Variants in NKX3-2 observed in about 807,000 individuals in gnomAD.
NKX3-2 encodes NK3 homeobox 2.
Under a neutral mutation model 19.4 loss-of-function variants are expected in NKX3-2, and 13 were observed. That is an observed-to-expected ratio of 0.67 (90% CI 0.44 to 1.07). NKX3-2 has a LOEUF of 1.07. Among genes scored for constraint, NKX3-2 ranks in the 50% least tolerant of loss-of-function variants. The pLI is 0.00. For synonymous variants in NKX3-2, 269 were observed against 230.5 expected (o/e 1.17, Z -1.51); for missense variants, 562 against 488.2 (o/e 1.15, Z -1.42).
Position 13,541,915 on chromosome 4 carries a change from C to G in NKX3-2, c.*78G>C. 5 of 1,531,822 alleles carry G rather than the reference C, an allele frequency of 3.3e-6. No homozygotes were observed. The highest frequency in any genetic ancestry group is 4.4e-6 in the Non-Finnish European group (5 of 1,135,876). 94.9% of individuals were successfully genotyped at this position (1,531,822 alleles called of 1,614,324 possible). ...TGCCTCCTTGGCGGGGCGCCCCGTG[C>G]AGGCTACAGCCTACAGCTGTCAGCG... On this transcript the variant is annotated 3_prime_UTR_variant, in exon 2 of 2. Transcript: ENST00000382438.
chr4:13,544,081 C>A lies in NKX3-2; in HGVS notation c.334G>T (p.Gly112Trp). 4 of 1,583,416 alleles carry A rather than the reference C, an allele frequency of 2.5e-6. No homozygotes were observed. Among genetic ancestry groups the A allele is most frequent in the Non-Finnish European group, 3.4e-6 (4 of 1,167,132 alleles). The change falls in exon 1 of 2, where the codon GGG becomes TGG. Residue 112 changes from glycine (G) to tryptophan (W), a missense_variant. Physicochemically the swap from Gly to Trp is radical, Grantham distance 184. Transcript: ENST00000382438. ...ESRRRCADARGASGAGLAGGS... is the reference protein window; with the variant it reads ...ESRRRCADARWASGAGLAGGS... ...CCCGCAAGGCCGGCCCCGCTGGCCC[C>A]CCGCGCGTCCGCGCAGCGCCGCCTG...
rs760331072 is a variant in NKX3-2, at chr4:13,544,361, G to T, written c.54C>A (p.Leu18=). ...GCCCGCCGCGCTCCTCTTTCTTGTT[G>T]AGGATCGCCTGGATGGAGAAGGACG... ...TLTSFSIQAI[L]NKKEERGGLA... The change falls in exon 1 of 2, where the codon CTC becomes CTA. Residue 18 remains leucine, a synonymous_variant. Coordinates refer to ENST00000382438, the MANE Select transcript of NKX3-2 (RefSeq NM_001189.4). 1.3e-6 allele frequency: 2 copies of T among 1,548,894 alleles called. No homozygotes were observed. The highest frequency in any genetic ancestry group is 2.4e-5 in the South Asian group (2 of 84,278).
rs757281771 is a variant in NKX3-2 at position 13,541,334 on chromosome 4, C to CA, written c.*658dup. On this transcript the variant is annotated 3_prime_UTR_variant, in exon 2 of 2. Transcript: ENST00000382438. The stretch of plus-strand genomic sequence containing the variant: ...GGAAGATGTGGAGACCCCCGGCTTG[C>CA]ACCACACTTGGAGGCTCCCCTCCTT... 6.6e-6 allele frequency: 1 copy of CA among 152,158 alleles called. No individual in the cohort carries two copies. Among genetic ancestry groups the CA allele is most frequent in the Non-Finnish European group, 1.5e-5 (1 of 68,026 alleles). The allele number at this position is 152,158 out of a possible 1,614,324, so 9.4% of individuals were successfully genotyped here.
chr4:13,546,745 A>T (rs1385613565), upstream of NKX3-2: 1 of 366,644 alleles, frequency 2.7e-6, no homozygotes, highest in African/African-American at 2.1e-5. Flanking sequence ...CTACGTAAAG[A>T]CTTGCTTGAA....
rs754433874 is a variant in NKX3-2, at chr4:13,544,222, C to T, written c.193G>A (p.Gly65Ser). The T allele has an allele frequency of 6.3e-7, 1 of 1,593,250 alleles. No individual in the cohort carries two copies. The highest frequency in any genetic ancestry group is 1.1e-5 in the South Asian group (1 of 89,618). Residue 65 changes from glycine (G) to serine (S), a missense_variant, in exon 1 of 2, where the codon GGC becomes AGC. Coordinates refer to ENST00000382438, the MANE Select transcript of NKX3-2 (RefSeq NM_001189.4). ...FGERDAGALG[G>S]AEDSLLASPA... ...GACGCCAGCAGAGAGTCCTCGGCGC[C>T]CCCCAACGCGCCCGCGTCCCTCTCC... is the stretch of plus-strand genomic sequence containing the variant.
rs373154511 is a variant in NKX3-2, at chr4:13,542,153, G to T, written c.842C>A (p.Ala281Asp). ...LASAPAAKKV[A>D]VKVLVRDDQR... ...GTCGTCGCGCACCAGCACCTTTACG[G>T]CCACCTTCTTGGCGGCGGGCGCCGA... The change falls in exon 2 of 2, where the codon GCC becomes GAC. Residue 281 changes from alanine to aspartate, a missense_variant. Physicochemically the swap from Ala to Asp is moderately radical, Grantham distance 126 (BLOSUM62 -2). Coordinates refer to ENST00000382438, the MANE Select transcript of NKX3-2 (RefSeq NM_001189.4). The surrounding 1 kb of genome is among the most constrained non-coding windows in gnomAD (Gnocchi z 6.4). 3 of 1,612,268 alleles carry T rather than the reference G, an allele frequency of 1.9e-6. No individual in the cohort carries two copies. The highest frequency in any genetic ancestry group is 2.5e-6 in the Non-Finnish European group (3 of 1,179,290).
rs917742363 is a variant in NKX3-2 at position 13,543,474 on chromosome 4, A to C, written c.466+475T>G. Among the ~76,000 whole-genome samples, 1 of 152,096 alleles carries C rather than the reference A, an allele frequency of 6.6e-6. No individual in the cohort carries two copies. Among genetic ancestry groups the C allele is most frequent in the Admixed American group, 6.5e-5 (1 of 15,276 alleles). ...AGATTCTCAGCTCTGGCCCACTCGGAGGTGTTCTTCACCACCTATCCACCT... is the reference window on the plus strand; with the variant it reads ...AGATTCTCAGCTCTGGCCCACTCGGCGGTGTTCTTCACCACCTATCCACCT... On this transcript the variant is annotated intron_variant, in intron 1 of 1. Coordinates refer to ENST00000382438, the MANE Select transcript of NKX3-2 (RefSeq NM_001189.4). This position sits in a 1 kb window ranked among gnomAD's most constrained non-coding sequence, Gnocchi z 7.1.
At position 13,542,262 on chromosome 4, in the gene NKX3-2, G is replaced by T; in HGVS notation, c.733C>A (p.Leu245Ile). Residue 245 changes from leucine to isoleucine, a missense_variant, in exon 2 of 2, where the codon CTC (leucine) becomes ATC (isoleucine). Coordinates refer to ENST00000382438, the MANE Select transcript of NKX3-2 (RefSeq NM_001189.4). This position sits in a 1 kb window ranked among gnomAD's most constrained non-coding sequence, Gnocchi z 6.4. ...CAGATTTTCACCTGCGTCTCGGTGA[G>T]CTTCAGCGACGCGGCCAGGTCTGCG... is the stretch of plus-strand genomic sequence containing the variant. ...ERADLAASLK[L>I]TETQVKIWFQ... The T allele has an allele frequency of 6.2e-7, 1 of 1,611,236 alleles. No individual in the cohort carries two copies.
At chr4:13,544,900 C>T (rs1718091355), upstream of NKX3-2, 1 of 152,224 alleles carries the variant, frequency 6.6e-6, no homozygotes, top group Non-Finnish European at 1.5e-5. Context: ...GCAGGCTCTT[C>T]CGGAGCCCAC....
chr4:13,543,097 C>CT lies in NKX3-2; in HGVS notation c.467-570dup, dbSNP rs1718030649. On this transcript the variant is annotated intron_variant, in intron 1 of 1. Coordinates refer to ENST00000382438, the MANE Select transcript of NKX3-2 (RefSeq NM_001189.4). The surrounding 1 kb of genome is among the most constrained non-coding windows in gnomAD (Gnocchi z 7.1). ...ACATGGAAACAGGCTGAGCCGAGGC[C>CT]TTAGATGAGAGGATGGACTGGAGAG... 6.6e-6 allele frequency among the ~76,000 whole-genome samples: 1 copy of CT among 151,968 alleles called. No individual in the cohort carries two copies. The highest frequency in any genetic ancestry group is 2.4e-5 in the African/African-American group (1 of 41,374).
Position 13,542,285 on chromosome 4 carries a change from G to A in NKX3-2, c.710C>T (p.Ala237Val). Residue 237 changes from alanine to valine, a missense_variant, in exon 2 of 2, where the codon GCA becomes GTA. By Grantham distance (64) the Ala-to-Val change is moderately conservative. Transcript: ENST00000382438. The surrounding 1 kb of genome is among the most constrained non-coding windows in gnomAD (Gnocchi z 6.4). Reference protein sequence around the residue: ...HQRYLSGPERADLAASLKLTE... With the variant: ...HQRYLSGPERVDLAASLKLTE... ...GAGCTTCAGCGACGCGGCCAGGTCT[G>A]CGCGCTCGGGCCCGGACAGGTAGCG... is the stretch of plus-strand genomic sequence containing the variant. 6.2e-7 allele frequency: 1 copy of A among 1,609,166 alleles called. No homozygotes were observed. The highest frequency in any genetic ancestry group is 1.7e-5 in the Admixed American group (1 of 59,688).
chr4:13,542,702 C>A lies in NKX3-2; in HGVS notation c.467-174G>T, dbSNP rs1372122830. On this transcript the variant is annotated intron_variant, in intron 1 of 1. Transcript: ENST00000382438. This position sits in a 1 kb window ranked among gnomAD's most constrained non-coding sequence, Gnocchi z 6.4. ...CGGGAGACCAGTCTTAGACTCTTGC[C>A]CCACTGGGTATCCCATCTAGGCCTC... Among the ~76,000 whole-genome samples, 5 of 152,128 alleles carry A rather than the reference C, an allele frequency of 3.3e-5. No individual in the cohort carries two copies. Among genetic ancestry groups the A allele is most frequent in the South Asian group, 2.1e-4 (1 of 4,824 alleles).
At chr4:13,544,906 C>T (rs1416828180), upstream of NKX3-2, 1 of 152,196 alleles carries the variant, frequency 6.6e-6, no homozygotes. Flanking sequence ...TCTTCCGGAG[C>T]CCACCCCCGG....
In NKX3-2 at chr4:13,543,837, G is replaced by T; in HGVS notation, c.466+112C>A. 3 of 1,016,354 alleles carry T rather than the reference G, an allele frequency of 3.0e-6. No homozygotes were observed. The highest frequency in any genetic ancestry group is 4.1e-6 in the Non-Finnish European group (3 of 731,372). 63.0% of individuals were successfully genotyped at this position (1,016,354 alleles called of 1,614,324 possible). A position where few individuals can be genotyped will look rare whatever the true frequency, so the allele number is the denominator to read the frequency against. ...AGCGCAGAACTTCGGGATTTGGCCA[G>T]CCTCCGAGCCCCAGGGCGCAGGGTG... On this transcript the variant is annotated intron_variant, in intron 1 of 1. Coordinates refer to ENST00000382438, the MANE Select transcript of NKX3-2 (RefSeq NM_001189.4). The surrounding 1 kb of genome is among the most constrained non-coding windows in gnomAD (Gnocchi z 7.1).
At position 13,542,512 on chromosome 4, in the gene NKX3-2, C is replaced by T. The variant is rs1401642022; in HGVS notation, c.483G>A (p.Arg161=). 1.3e-6 allele frequency: 2 copies of T among 1,596,468 alleles called. No homozygotes were observed. Among genetic ancestry groups the T allele is most frequent in the Admixed American group, 1.7e-5 (1 of 59,984 alleles). Residue 161 remains arginine (R), a synonymous_variant, in exon 2 of 2, where the codon AGG becomes AGA. Coordinates refer to ENST00000382438, the MANE Select transcript of NKX3-2 (RefSeq NM_001189.4). This position sits in a 1 kb window ranked among gnomAD's most constrained non-coding sequence, Gnocchi z 6.4. ...TGGGGCCAACACCGTCGTCCTCGGTCCTTGGGCTGCGGTCGCCTGCGGACC... is the reference window on the plus strand; with the variant it reads ...TGGGGCCAACACCGTCGTCCTCGGTTCTTGGGCTGCGGTCGCCTGCGGACC... ...SASVSGDRSP[R]TEDDGVGPRG... is the part of the protein sequence containing the mutation.
upstream of NKX3-2, chr4:13,547,422 C>G (rs891913906): frequency 2.5e-5 from 8 of 324,106 alleles, no homozygotes; most frequent in Admixed American, 2.2e-4. Context: ...GGCGGAGCTG[C>G]GCGGCCCGGC....
chr4:13,544,487 C>G lies in NKX3-2; in HGVS notation c.-73G>C. On this transcript the variant is annotated 5_prime_UTR_variant, in exon 1 of 2. Transcript: ENST00000382438. ...GAGCAGCTCCGAGCGGGACAGAGAG[C>G]GCCGGCGGCCGCAGCGCGAGTGAGC... 1 of 1,127,618 alleles carries G rather than the reference C, an allele frequency of 8.9e-7. No homozygotes were observed. Among genetic ancestry groups the G allele is most frequent in the Non-Finnish European group, 1.1e-6 (1 of 883,476 alleles). The allele number at this position is 1,127,618 out of a possible 1,614,324, so 69.9% of individuals were successfully genotyped here. A position where few individuals can be genotyped will look rare whatever the true frequency, so the allele number is the denominator to read the frequency against.
At chr4:13,544,542 C>T, upstream of NKX3-2, 1 of 494,262 alleles carries the variant, frequency 2.0e-6, no homozygotes, top group Non-Finnish European at 3.1e-6. Flanking sequence ...CCGCCCACTG[C>T]TGCGCGGCCC....
In NKX3-2 at chr4:13,542,610, C is replaced by T. The variant is rs966906390; in HGVS notation, c.467-82G>A. On this transcript the variant is annotated intron_variant, in intron 1 of 1. Coordinates refer to ENST00000382438, the MANE Select transcript of NKX3-2 (RefSeq NM_001189.4). This position sits in a 1 kb window ranked among gnomAD's most constrained non-coding sequence, Gnocchi z 6.4. ...GGCCGGGCCTCAACTGCAGGGGTCA[C>T]GGGAGTGGGGCGGAAATACACTTTG... The T allele has an allele frequency of 2.2e-5, 33 of 1,534,026 alleles. No individual in the cohort carries two copies. Among genetic ancestry groups the T allele is most frequent in the Non-Finnish European group, 2.8e-5 (32 of 1,123,978 alleles).
Sources: gnomAD v4.1 joint callset for allele counts (sites outside exome capture counted in the v4.1 genomes callset) on GRCh38, gnomAD v4.1.1 for gene constraint, Gnocchi (gnomAD v3.1) non-coding constraint, MANE v1.5 for transcripts, NCBI Gene and HGNC (gene_info 2026-07-23, HGNC 2026-07-21) for gene names.